MMP16: variants seen among roughly 807,000 people sequenced by gnomAD.
MMP16 encodes the protein matrix metallopeptidase 16, also known as matrix metalloproteinase-16.
A neutral mutation model predicts 67.8 loss-of-function variants in MMP16; 12 were observed. The observed-to-expected ratio is 0.18, with a 90% CI of 0.11 to 0.29. MMP16 has a LOEUF of 0.29. MMP16 is among the 10% of genes least tolerant of loss of function. The pLI is 1.00. For synonymous variants in MMP16, 249 were observed against 255.9 expected, an observed-to-expected ratio of 0.97 and a Z score of 0.26; for missense variants, 475 against 765.7, an observed-to-expected ratio of 0.62 and a Z score of 4.48.
intron 1 of MMP16, among the ~76,000 whole-genome samples, chr8:88,271,137 C>A (rs1377127361): frequency 6.6e-6 from 1 of 152,120 alleles, no homozygotes; most frequent in African/African-American, 2.4e-5. Context: ...TATTCTGTAG[C>A]AGAGTATACA....
chr8:88,273,719 G>T (rs1039371017), intron 1 of MMP16, among the ~76,000 whole-genome samples: 1 of 152,050 alleles, frequency 6.6e-6, no homozygotes, highest in East Asian at 1.9e-4. Flanking sequence ...GTTGCTGAGT[G>T]CTTATAAATA....
intron 1 of MMP16, among the ~76,000 whole-genome samples, chr8:88,200,535 AG>A (rs1389814486): frequency 6.6e-6 from 1 of 152,036 alleles, no homozygotes; most frequent in Non-Finnish European, 1.5e-5. Flanking sequence ...GTGATTATTC[AG>A]TTGGAGGAAC....
intron 4 of MMP16, among the ~76,000 whole-genome samples, chr8:88,156,735 T>C (rs1019123388): frequency 3.3e-5 from 5 of 152,108 alleles, no homozygotes; most frequent in Admixed American, 2.6e-4. Flanking sequence ...ACATTGTCTA[T>C]ATTGAAATAA....
At chr8:88,249,687 C>T (rs1375183783) in intron 1 of MMP16, among the ~76,000 whole-genome samples, 1 of 152,068 alleles carries the variant, frequency 6.6e-6, no homozygotes, top group Non-Finnish European at 1.5e-5. Context: ...TGAGCAAACA[C>T]CTCCTCCAGA....
chr8:88,217,421 A>G (rs986710395), intron 1 of MMP16, among the ~76,000 whole-genome samples: 2 of 152,096 alleles, frequency 1.3e-5, no homozygotes, highest in Admixed American at 6.6e-5. Flanking sequence ...TTAAATCTAT[A>G]TTCATTCCCA....
At position 88,118,937 on chromosome 8, in the gene MMP16, T is replaced by C. The variant is rs560401545; in HGVS notation, c.710-76A>G. 5 of 1,396,598 alleles carry C rather than the reference T, an allele frequency of 3.6e-6. 1 individual carries two copies. In the East Asian group the frequency reaches 7.4e-5, roughly 21 times the overall value. 86.5% of individuals were successfully genotyped at this position (1,396,598 alleles called of 1,614,324 possible). On this transcript the variant is annotated intron_variant, in intron 4 of 9. Transcript: ENST00000286614. ...AATTGAAAAGGACAATTTGGTATTA[T>C]CAACATTTTACCCAAGAAAAATAGG...
intron 1 of MMP16, among the ~76,000 whole-genome samples, chr8:88,320,832 C>G (rs183747043): frequency 3.3e-5 from 5 of 152,226 alleles, no homozygotes; most frequent in South Asian, 4.2e-4. Flanking sequence ...CTTACTCTCT[C>G]GGCTCAGCTT....
At chr8:88,196,220 T>A (rs1202849062) in intron 2 of MMP16, among the ~76,000 whole-genome samples, 1 of 152,190 alleles carries the variant, frequency 6.6e-6, no homozygotes, top group African/African-American at 2.4e-5. Flanking sequence ...AAGGTTGATG[T>A]ACCATGATCA....
At chr8:88,252,402 A>G (rs1009369168) in intron 1 of MMP16, among the ~76,000 whole-genome samples, 4 of 152,132 alleles carry the variant, frequency 2.6e-5, no homozygotes, top group Non-Finnish European at 4.4e-5. Context: ...CACTACAAGT[A>G]ACAGAAATAT....
intron 4 of MMP16, among the ~76,000 whole-genome samples, chr8:88,155,079 T>C (rs1808486284): frequency 1.3e-5 from 2 of 152,082 alleles, no homozygotes; most frequent in Admixed American, 1.3e-4. Context: ...AAATACATAA[T>C]ATCAGACTTC....
intron 3 of MMP16, 111 bp from the exon 4 acceptor site, chr8:88,168,084 G>A: frequency 1.4e-6 from 1 of 725,840 alleles, no homozygotes; most frequent in Non-Finnish European, 2.2e-6. Flanking sequence ...ATATTAAATA[G>A]GAATAACACG....
At chr8:88,259,857 A>T (rs530153808) in intron 1 of MMP16, among the ~76,000 whole-genome samples, 1 of 152,324 alleles carries the variant, frequency 6.6e-6, no homozygotes, top group East Asian at 1.9e-4. Context: ...TGTCAATGAG[A>T]ATGGAAAGAA....
intron 4 of MMP16, among the ~76,000 whole-genome samples, chr8:88,145,702 A>T (rs1461654836): frequency 6.6e-6 from 1 of 151,984 alleles, no homozygotes; most frequent in Non-Finnish European, 1.5e-5. Flanking sequence ...TCACTAACTA[A>T]CTTCAACAAA....
chr8:88,222,899 T>C (rs903865858), intron 1 of MMP16, among the ~76,000 whole-genome samples: 1 of 152,152 alleles, frequency 6.6e-6, no homozygotes, highest in African/African-American at 2.4e-5. Context: ...ACCATCAGGG[T>C]GAACAGGCAA....
At chr8:88,257,267 T>C (rs1397267413) in intron 1 of MMP16, among the ~76,000 whole-genome samples, 1 of 152,204 alleles carries the variant, frequency 6.6e-6, no homozygotes, top group Non-Finnish European at 1.5e-5. Flanking sequence ...CTTAGCATGT[T>C]ACCTGTGTAT....
At chr8:88,044,095 A>C (rs949246754) in intron 9 of MMP16, among the ~76,000 whole-genome samples, 1 of 152,252 alleles carries the variant, frequency 6.6e-6, no homozygotes, top group Non-Finnish European at 1.5e-5. Context: ...CACATTTTAT[A>C]GTAACACACT....
At chr8:88,126,501 G>A (rs1807933817) in intron 4 of MMP16, among the ~76,000 whole-genome samples, 1 of 151,824 alleles carries the variant, frequency 6.6e-6, no homozygotes, top group African/African-American at 2.4e-5. Context: ...TAACATGATG[G>A]TTATAGTTGA....
At chr8:88,057,550 C>A (rs896679932) in intron 7 of MMP16, among the ~76,000 whole-genome samples, 1 of 152,098 alleles carries the variant, frequency 6.6e-6, no homozygotes, top group South Asian at 2.1e-4. Flanking sequence ...GGTGTCCCAA[C>A]GTCCTTTCTA....
chr8:88,104,002 C>T (rs935213033), intron 6 of MMP16, among the ~76,000 whole-genome samples: 1 of 151,702 alleles, frequency 6.6e-6, no homozygotes, highest in Non-Finnish European at 1.5e-5. Context: ...GACATTTAGT[C>T]AGTCTAAAGA....
Sources: allele counts gnomAD v4.1 joint callset (sites outside exome capture counted in the v4.1 genomes callset), GRCh38; gene constraint gnomAD v4.1.1; transcripts MANE v1.5; gene names NCBI Gene and HGNC (gene_info 2026-07-23, HGNC 2026-07-21).